The following PAK3 variants were observed in gnomAD, a reference collection of about 807,000 sequenced individuals.
The protein encoded by PAK3 is p21 (RAC1) activated kinase 3.
In PAK3, 4 loss-of-function variants were observed where a neutral mutation model predicts 41.0. That is an observed-to-expected ratio of 0.10 (90% CI 0.05 to 0.22). The LOEUF (loss-of-function observed/expected upper bound fraction) is 0.22, where lower values mean the gene tolerates loss of function less well. PAK3 is among the 10% of genes least tolerant of loss of function. PAK3 has a pLI of 1.00. For missense variants in PAK3, 205 were observed against 409.9 expected (o/e 0.50, Z 4.32); for synonymous variants, 146 against 139.6 (o/e 1.05, Z -0.32).
At chrX:111,120,613 ACTT>A (rs1310638920) in intron 4 of PAK3, among the ~76,000 whole-genome samples, 4 of 111,622 alleles carry the variant, frequency 3.6e-5, no homozygotes, top group Non-Finnish European at 7.5e-5. Flanking sequence ...TGTTTTCCTG[ACTT>A]CTGTCATCTC....
intron 1 of PAK3, among the ~76,000 whole-genome samples, chrX:110,949,529 T>C (rs2090697007): frequency 9.0e-6 from 1 of 111,401 alleles, no homozygotes; most frequent in Admixed American, 9.6e-5. Context: ...TTTCAAAGCA[T>C]TGTAGGTCGA....
At chrX:110,978,665 CCTTT>C (rs1012989731) in intron 1 of PAK3, among the ~76,000 whole-genome samples, 2 of 109,057 alleles carry the variant, frequency 1.8e-5, no homozygotes, top group Non-Finnish European at 3.8e-5. Context: ...TTTCTTTCTT[CCTTT>C]CTTCTTTCTT....
chrX:111,088,389 T>C (rs752133855), intron 1 of PAK3, among the ~76,000 whole-genome samples: 13 of 111,966 alleles, frequency 1.2e-4, no homozygotes, highest in Non-Finnish European at 2.3e-4. Context: ...GACTGCATGC[T>C]GGACGTCTAT....
intron 1 of PAK3, among the ~76,000 whole-genome samples, chrX:111,008,183 A>G (rs1404733484): frequency 8.9e-6 from 1 of 112,141 alleles, no homozygotes; most frequent in African/African-American, 3.2e-5. Context: ...TAGTTGTGCA[A>G]TCTTGGATGA....
intron 1 of PAK3, among the ~76,000 whole-genome samples, chrX:111,063,054 G>A (rs1388778176): frequency 8.9e-6 from 1 of 111,959 alleles, no homozygotes; most frequent in Non-Finnish European, 1.9e-5. Flanking sequence ...GAAGCCAAAT[G>A]CCTAAGAGGT....
chrX:110,946,384 A>T (rs1235850977), intron 1 of PAK3, among the ~76,000 whole-genome samples: 1 of 110,368 alleles, frequency 9.1e-6, no homozygotes, highest in Non-Finnish European at 1.9e-5. Flanking sequence ...TTGCAGATTG[A>T]TAAAGACCAC....
intron 1 of PAK3, among the ~76,000 whole-genome samples, chrX:111,075,133 A>G (rs2148828451): frequency 8.9e-6 from 1 of 112,823 alleles, no homozygotes; most frequent in African/African-American, 3.2e-5. Flanking sequence ...CCATGTCACA[A>G]AGAAGGAAAA....
Position 111,056,687 on chromosome X carries a change from C to T in PAK3, c.-27-66390C>T, listed in dbSNP as rs1321435385. ...GAAGATCTTGTCATATACATATAGA[C>T]CTAGTTCATTTACATAAATTGCTAC... On this transcript the variant is annotated intron_variant, in intron 1 of 14. Transcript: ENST00000425146. Among the ~76,000 whole-genome samples, 3 of 112,060 alleles carry T rather than the reference C, an allele frequency of 2.7e-5. No individual in the cohort carries two copies. The Admixed American group carries it at 2.8e-4, about 11-fold the overall frequency.
chrX:111,143,475 C>T (rs2093901224), intron 6 of PAK3, among the ~76,000 whole-genome samples: 1 of 111,076 alleles, frequency 9.0e-6, no homozygotes, highest in African/African-American at 3.3e-5. Flanking sequence ...GAAATATTGA[C>T]ACATAAAGTG....
At chrX:111,067,522 A>G (rs1308223377) in intron 1 of PAK3, among the ~76,000 whole-genome samples, 1 of 111,646 alleles carries the variant, frequency 9.0e-6, no homozygotes, top group Non-Finnish European at 1.9e-5. Flanking sequence ...TTACCTCCTC[A>G]GAATTTTCAC....
intron 1 of PAK3, among the ~76,000 whole-genome samples, chrX:111,090,614 C>T (rs1332845779): frequency 9.0e-6 from 1 of 111,174 alleles, no homozygotes; most frequent in African/African-American, 3.3e-5. Context: ...CAGACACTGC[C>T]CAGGTTGTCA....
Position 111,152,400 on chromosome X carries a change from C to A in PAK3, c.431-10C>A. On this transcript the variant is annotated splice_polypyrimidine_tract_variant and intron_variant, in intron 7 of 17. Coordinates refer to ENST00000372007, the MANE Select transcript of PAK3 (RefSeq NM_002578.5). Reference sequence around the variant, plus strand: ...GAAACAAAAATGACCTCTCTATTCTCACTTTGCAGATAAAAGTGCACATGG... The same window carrying A: ...GAAACAAAAATGACCTCTCTATTCTAACTTTGCAGATAAAAGTGCACATGG... 2 of 1,152,756 alleles carry A rather than the reference C, an allele frequency of 1.7e-6. No individual in the cohort carries two copies. Among genetic ancestry groups the A allele is most frequent in the South Asian group, 3.6e-5 (2 of 55,576 alleles).
intron 4 of PAK3, among the ~76,000 whole-genome samples, chrX:111,110,284 A>G (rs756503026): frequency 6.8e-4 from 76 of 112,046 alleles, no homozygotes; most frequent in Non-Finnish European, 1.1e-3. Flanking sequence ...AGATGAAGAA[A>G]TAGCTTCAGA....
At chrX:111,131,784 T>A (rs2093722000) in intron 5 of PAK3, among the ~76,000 whole-genome samples, 1 of 111,668 alleles carries the variant, frequency 9.0e-6, no homozygotes, top group Non-Finnish European at 1.9e-5. Flanking sequence ...CAGAAATCAG[T>A]CCCTCTGGAA....
In PAK3 at chrX:111,121,642, CAA is replaced by C. The variant is rs776362058; in HGVS notation, c.-27-1433_-27-1432del. Among the ~76,000 whole-genome samples, 132 of 111,750 alleles carry C rather than the reference CAA, an allele frequency of 1.2e-3. 1 individual carries two copies. The highest frequency in any genetic ancestry group is 4.5e-4 in the Non-Finnish European group (24 of 53,139). On this transcript the variant is annotated intron_variant, in intron 4 of 17. Transcript: ENST00000372007. ...TTGTTCATAGTAAATGTTGTGGAAA[CAA>C]AGTGATAATGCTAAGTCATGTTTGG...
intron 16 of PAK3, among the ~76,000 whole-genome samples, chrX:111,202,527 A>G (rs904294287): frequency 4.5e-5 from 5 of 111,849 alleles, no homozygotes; most frequent in African/African-American, 1.6e-4. Flanking sequence ...TAAAAATCTA[A>G]CTTTCCCTGT....
At chrX:111,148,254 G>A (rs1417376324) in intron 7 of PAK3, among the ~76,000 whole-genome samples, 2 of 111,704 alleles carry the variant, frequency 1.8e-5, no homozygotes, top group Non-Finnish European at 3.8e-5. Flanking sequence ...AATTTACTTT[G>A]TCCCTTAGAT....
chrX:111,192,702 C>A, intron 13 of PAK3, 84 bp downstream of exon 13: 1 of 532,758 alleles, frequency 1.9e-6, no homozygotes, highest in Admixed American at 2.7e-5. Flanking sequence ...GGGATTCGTT[C>A]ATTTAACATT....
At chrX:111,185,420 T>G (rs1428292266) in intron 11 of PAK3, among the ~76,000 whole-genome samples, 1 of 111,887 alleles carries the variant, frequency 8.9e-6, no homozygotes, top group Non-Finnish European at 1.9e-5. Flanking sequence ...TTTGTTAATT[T>G]TGGCTTTTGC....
Sources: allele counts gnomAD v4.1 joint callset (sites outside exome capture counted in the v4.1 genomes callset), GRCh38; gene constraint gnomAD v4.1.1; transcripts MANE v1.5; gene names NCBI Gene and HGNC (gene_info 2026-07-23, HGNC 2026-07-21).